The following JPH1 variants were observed in gnomAD, a reference collection of about 807,000 sequenced individuals.
JPH1 encodes junctophilin 1, also known as junctophilin-1.
Under a neutral mutation model 53.6 loss-of-function variants are expected in JPH1, and 12 were observed. The observed-to-expected ratio is 0.22, with a 90% CI of 0.14 to 0.36. The LOEUF is 0.36. Ranked by LOEUF, JPH1 falls within the 10% of genes least tolerant of loss-of-function variation. The pLI is 1.00. For synonymous variants in JPH1, 375 were observed against 363.8 expected (o/e 1.03, Z -0.35); for missense variants, 808 against 905.5 (o/e 0.89, Z 1.38).
intron 3 of JPH1, among the ~76,000 whole-genome samples, chr8:74,248,389 C>T (rs1447675168): frequency 2.6e-5 from 4 of 152,166 alleles, no homozygotes; most frequent in Non-Finnish European, 5.9e-5. Flanking sequence ...ATGCTTGCTG[C>T]CTATCAGAGC....
intron 2 of JPH1, 132 bp from the exon 3 acceptor site, chr8:74,259,635 T>A (rs1011474890): frequency 1.6e-6 from 1 of 614,044 alleles, no homozygotes; most frequent in Non-Finnish European, 2.8e-6. Flanking sequence ...GCAAAAATTT[T>A]AGAGTCCTAT....
rs1438870898 is a variant in JPH1 at position 74,234,894 on chromosome 8, G to A, written c.*2157C>T. The A allele has an allele frequency of 6.6e-6, 1 of 152,538 alleles. No individual in the cohort carries two copies. Among genetic ancestry groups the A allele is most frequent in the Admixed American group, 6.5e-5 (1 of 15,272 alleles). 9.4% of individuals were successfully genotyped at this position (152,538 alleles called of 1,614,324 possible). ...GACTTCATGTGCTGTCCAAAATGTT[G>A]AGTACAGTATAACAACCCATTAGAA... On this transcript the variant is annotated 3_prime_UTR_variant, in exon 6 of 6. Transcript: ENST00000342232.
At chr8:74,270,543 T>C (rs1166967584) in intron 2 of JPH1, among the ~76,000 whole-genome samples, 4 of 152,176 alleles carry the variant, frequency 2.6e-5, no homozygotes, top group Admixed American at 6.5e-5. Context: ...TTTAGTACCC[T>C]TAAAGAAAAG....
chr8:74,247,410 G>A (rs1219269714), intron 3 of JPH1, among the ~76,000 whole-genome samples: 4 of 152,114 alleles, frequency 2.6e-5, no homozygotes, highest in African/African-American at 9.7e-5. Flanking sequence ...TTTAATTTAA[G>A]CCACTTAATG....
intron 2 of JPH1, among the ~76,000 whole-genome samples, chr8:74,269,971 T>C (rs756615126): frequency 1.3e-5 from 2 of 152,260 alleles, no homozygotes; most frequent in Non-Finnish European, 2.9e-5. Flanking sequence ...CATCTTCTTG[T>C]ATTCATGCTT....
At chr8:74,267,646 C>A (rs1279202048) in intron 2 of JPH1, among the ~76,000 whole-genome samples, 1 of 152,142 alleles carries the variant, frequency 6.6e-6, no homozygotes, top group East Asian at 1.9e-4. Context: ...AGGAAGTGGG[C>A]AGAAGAAGCC....
intron 3 of JPH1, among the ~76,000 whole-genome samples, chr8:74,251,701 A>G (rs1335699672): frequency 6.6e-6 from 1 of 152,140 alleles, no homozygotes; most frequent in African/African-American, 2.4e-5. Flanking sequence ...TATAATCAAG[A>G]GGCTATGTTT....
intron 2 of JPH1, among the ~76,000 whole-genome samples, chr8:74,291,822 T>C (rs1270069220): frequency 1.3e-5 from 2 of 152,208 alleles, no homozygotes; most frequent in Non-Finnish European, 2.9e-5. Context: ...GTGGCACATA[T>C]ACACCATGGA....
intron 3 of JPH1, among the ~76,000 whole-genome samples, chr8:74,248,904 T>C (rs1418270526): frequency 1.3e-5 from 2 of 152,130 alleles, no homozygotes; most frequent in Non-Finnish European, 2.9e-5. Context: ...TTATGACAAA[T>C]GTTGATAGTT....
intron 3 of JPH1, 96 bp from the exon 4 acceptor site, chr8:74,245,271 A>G: frequency 1.9e-6 from 2 of 1,073,658 alleles, no homozygotes; most frequent in East Asian, 5.5e-5. Flanking sequence ...TAAAAATAAT[A>G]TATTCATAAG....
At chr8:74,248,518 C>G (rs1286146361) in intron 3 of JPH1, among the ~76,000 whole-genome samples, 1 of 152,202 alleles carries the variant, frequency 6.6e-6, no homozygotes, top group African/African-American at 2.4e-5. Context: ...TGACACTATG[C>G]TAGCAATATG....
intron 2 of JPH1, among the ~76,000 whole-genome samples, chr8:74,309,198 T>C (rs1228050392): frequency 6.6e-6 from 1 of 152,164 alleles, no homozygotes; most frequent in East Asian, 1.9e-4. Context: ...TGACACTTCC[T>C]GGTAGTACGG....
At chr8:74,240,404 C>T (rs1056121737) in intron 4 of JPH1, among the ~76,000 whole-genome samples, 11 of 151,852 alleles carry the variant, frequency 7.2e-5, no homozygotes, top group African/African-American at 1.9e-4. Flanking sequence ...TTCTCCCCTA[C>T]GTCTTCACTT....
chr8:74,256,129 C>G (rs1344754860), intron 3 of JPH1, among the ~76,000 whole-genome samples: 2 of 152,142 alleles, frequency 1.3e-5, no homozygotes, highest in East Asian at 3.9e-4. Context: ...ATAGCAAAGA[C>G]TTGGAACCAA....
chr8:74,318,205 T>G (rs537513264), intron 1 of JPH1, among the ~76,000 whole-genome samples: 9 of 152,208 alleles, frequency 5.9e-5, no homozygotes, highest in Non-Finnish European at 1.3e-4. Context: ...ATTCCTAAAA[T>G]GTAGATGCAT....
At chr8:74,265,057 C>T (rs1427788683) in intron 2 of JPH1, among the ~76,000 whole-genome samples, 3 of 152,134 alleles carry the variant, frequency 2.0e-5, no homozygotes, top group Non-Finnish European at 4.4e-5. Flanking sequence ...TTTTATACCC[C>T]CAAAATCAGG....
Position 74,315,645 on chromosome 8 carries a change from C to A in JPH1, c.380-25G>T. On this transcript the variant is annotated intron_variant, in intron 1 of 5. Transcript: ENST00000342232. The surrounding 1 kb of genome is among the most constrained non-coding windows in gnomAD (Gnocchi z 6.3). ...CCTTGGAGAGACCGCAAGAAAGCACCGTGAGTCGGGGGCAGAGCTGCACCG... is the reference window on the plus strand; with the variant it reads ...CCTTGGAGAGACCGCAAGAAAGCACAGTGAGTCGGGGGCAGAGCTGCACCG... The A allele has an allele frequency of 6.4e-7, 1 of 1,568,836 alleles. No individual in the cohort carries two copies. Among genetic ancestry groups the A allele is most frequent in the Non-Finnish European group, 8.6e-7 (1 of 1,162,888 alleles).
chr8:74,274,232 G>C (rs1212165088), intron 2 of JPH1, among the ~76,000 whole-genome samples: 1 of 152,104 alleles, frequency 6.6e-6, no homozygotes, highest in Non-Finnish European at 1.5e-5. Context: ...GCGTTTTCTG[G>C]GAGAAATGAG....
At chr8:74,280,298 C>T (rs1806973251) in intron 2 of JPH1, among the ~76,000 whole-genome samples, 1 of 152,136 alleles carries the variant, frequency 6.6e-6, no homozygotes, top group South Asian at 2.1e-4. Context: ...ACAAATATCC[C>T]TAATGGACTG....
Sources: gnomAD v4.1 joint callset for allele counts (sites outside exome capture counted in the v4.1 genomes callset) on GRCh38, gnomAD v4.1.1 for gene constraint, Gnocchi (gnomAD v3.1) non-coding constraint, MANE v1.5 for transcripts, NCBI Gene and HGNC (gene_info 2026-07-23, HGNC 2026-07-21) for gene names.